The following CRACD variants were observed in gnomAD, a reference collection of about 807,000 sequenced individuals.
CRACD encodes the protein capping protein-inhibiting regulator of actin dynamics.
Under a neutral mutation model 106.8 loss-of-function variants are expected in CRACD, and 56 were observed. The observed-to-expected ratio is 0.52, with a 90% CI of 0.42 to 0.66. CRACD has a LOEUF of 0.66. Ranked by LOEUF, CRACD falls within the 30% of genes least tolerant of loss-of-function variation. The pLI is 0.00. For synonymous variants in CRACD, 754 were observed against 670.8 expected (o/e 1.12, Z -1.92); for missense variants, 1,730 against 1,623.2 (o/e 1.07, Z -1.13).
intron 8 of CRACD, among the ~76,000 whole-genome samples, chr4:56,318,126 C>T (rs1210244636): frequency 6.6e-6 from 1 of 152,062 alleles, no homozygotes; most frequent in Non-Finnish European, 1.5e-5. Flanking sequence ...CTTGCCTTTA[C>T]AGAAGACCCC....
chr4:56,234,727 G>T (rs13134235), intron 2 of CRACD, among the ~76,000 whole-genome samples: 28,859 of 152,112 alleles, frequency 0.19, 4,767 homozygotes, highest in African/African-American at 0.45. Flanking sequence ...TAACCACAAG[G>T]TTTAAAGCCT....
chr4:56,294,403 T>A (rs899535869), intron 3 of CRACD, among the ~76,000 whole-genome samples: 3 of 152,022 alleles, frequency 2.0e-5, no homozygotes, highest in African/African-American at 7.2e-5. Flanking sequence ...ACCAAATATA[T>A]AAGAATAAAC....
At chr4:56,096,850 T>G (rs977931838) in intron 1 of CRACD, among the ~76,000 whole-genome samples, 2 of 152,082 alleles carry the variant, frequency 1.3e-5, no homozygotes, top group African/African-American at 2.4e-5. Flanking sequence ...AGAGAAAACT[T>G]TTTTGAGTTT....
chr4:56,195,506 G>A (rs752578189), intron 2 of CRACD, among the ~76,000 whole-genome samples: 5 of 152,136 alleles, frequency 3.3e-5, no homozygotes, highest in African/African-American at 9.6e-5. Context: ...TAGGAAGGTG[G>A]GTCTCAGAGA....
At chr4:56,148,790 T>C (rs1040787763) in intron 1 of CRACD, among the ~76,000 whole-genome samples, 4 of 151,954 alleles carry the variant, frequency 2.6e-5, no homozygotes, top group Non-Finnish European at 2.9e-5. Context: ...ATTTCAACTG[T>C]AGTGATGTTT....
rs191999735 is a variant in CRACD, at chr4:56,093,345, A to G, written c.-336+44046A>G. ...ACTTGGGGATGTGTCTGGAACTCAG[A>G]GAGCCAGGTTGAGAAATCATTGTGC... is the stretch of plus-strand genomic sequence containing the variant. On this transcript the variant is annotated intron_variant, in intron 1 of 10. Transcript: ENST00000682029. Among the ~76,000 whole-genome samples the G allele has an allele frequency of 3.3e-5, 5 of 152,318 alleles. No individual in the cohort carries two copies. In the East Asian group the frequency reaches 9.6e-4, roughly 29 times the overall value.
At chr4:56,262,607 A>G (rs1741772762) in intron 2 of CRACD, among the ~76,000 whole-genome samples, 1 of 152,172 alleles carries the variant, frequency 6.6e-6, no homozygotes, top group South Asian at 2.1e-4. Context: ...GGCCCAGGGA[A>G]ACCAAAAGAT....
At chr4:56,166,642 C>T (rs1736164548) in intron 1 of CRACD, among the ~76,000 whole-genome samples, 1 of 122,824 alleles carries the variant, frequency 8.1e-6, no homozygotes, top group Non-Finnish European at 1.6e-5. Context: ...CCACTGCACT[C>T]TAGCCTGGGT....
At chr4:56,193,118 A>G (rs1737455933) in intron 2 of CRACD, among the ~76,000 whole-genome samples, 1 of 152,198 alleles carries the variant, frequency 6.6e-6, no homozygotes, top group Non-Finnish European at 1.5e-5. Flanking sequence ...ACAAAGGAAG[A>G]GCAAAGGGAT....
At chr4:56,313,142 C>G in intron 6 of CRACD, 55 bp from the exon 7 acceptor site, 1 of 1,505,378 alleles carries the variant, frequency 6.6e-7, no homozygotes, top group Non-Finnish European at 9.1e-7. Flanking sequence ...TTCTGCGATT[C>G]CCTGCAGGTT....
intron 2 of CRACD, among the ~76,000 whole-genome samples, chr4:56,245,003 G>A (rs1422767504): frequency 1.3e-5 from 2 of 152,032 alleles, no homozygotes. Context: ...TCATTTCTTT[G>A]TGCTCATTTC....
chr4:56,241,677 C>T (rs1740376216), intron 2 of CRACD, among the ~76,000 whole-genome samples: 1 of 152,068 alleles, frequency 6.6e-6, no homozygotes, highest in African/African-American at 2.4e-5. Flanking sequence ...GATGACAGTA[C>T]AGGAAATGCA....
intron 1 of CRACD, among the ~76,000 whole-genome samples, chr4:56,067,258 A>G (rs1219206966): frequency 2.6e-5 from 4 of 152,176 alleles, no homozygotes; most frequent in Non-Finnish European, 5.9e-5. Flanking sequence ...AAGAAGGAGA[A>G]GAGGATTTAT....
intron 1 of CRACD, among the ~76,000 whole-genome samples, chr4:56,125,031 A>G (rs1235554792): frequency 6.6e-6 from 1 of 152,234 alleles, no homozygotes; most frequent in Non-Finnish European, 1.5e-5. Flanking sequence ...TCCTTTAACC[A>G]GAATATCATT....
intron 2 of CRACD, among the ~76,000 whole-genome samples, chr4:56,237,061 A>G (rs6838183): frequency 0.24 from 36,261 of 152,070 alleles, 4,384 homozygotes; most frequent in African/African-American, 0.26. Context: ...TAGAAATAAA[A>G]GCATCAGTGC....
At chr4:56,092,057 G>C (rs985801750) in intron 1 of CRACD, among the ~76,000 whole-genome samples, 3 of 152,136 alleles carry the variant, frequency 2.0e-5, no homozygotes, top group Non-Finnish European at 2.9e-5. Flanking sequence ...CCACAGAGTT[G>C]GGGAAGATTG....
chr4:56,260,896 T>G (rs1314135630), intron 2 of CRACD, among the ~76,000 whole-genome samples: 2 of 151,180 alleles, frequency 1.3e-5, no homozygotes, highest in Non-Finnish European at 2.9e-5. Context: ...CATCCATCCA[T>G]CCATCCATCC....
chr4:56,225,363 G>A (rs542128152), intron 2 of CRACD, among the ~76,000 whole-genome samples: 186 of 152,250 alleles, frequency 1.2e-3, no homozygotes, highest in African/African-American at 4.3e-3. Context: ...CAAAGTGCTG[G>A]GATTACAGGC....
intron 2 of CRACD, among the ~76,000 whole-genome samples, chr4:56,219,540 G>A (rs1738918551): frequency 1.3e-5 from 2 of 152,036 alleles, no homozygotes; most frequent in Admixed American, 1.3e-4. Flanking sequence ...GTAGAGATGG[G>A]GTTTTGCTAC....
Sources: allele counts gnomAD v4.1 joint callset (sites outside exome capture counted in the v4.1 genomes callset), GRCh38; gene constraint gnomAD v4.1.1; transcripts MANE v1.5; gene names NCBI Gene and HGNC (gene_info 2026-07-23, HGNC 2026-07-21).